TBC1D30: variants seen among roughly 807,000 people sequenced by gnomAD.
The protein encoded by TBC1D30 is TBC1 domain family, member 30.
Under a neutral mutation model 63.2 loss-of-function variants are expected in TBC1D30, and 31 were observed. The ratio of observed to expected loss-of-function variants is 0.49; its 90% confidence interval spans 0.37 to 0.66. TBC1D30 has a LOEUF of 0.66. Among genes scored for constraint, TBC1D30 ranks in the 30% least tolerant of loss-of-function variants. The pLI, the probability that TBC1D30 is intolerant of heterozygous loss-of-function variation, is 0.00. For missense variants in TBC1D30, 810 were observed against 953.6 expected (o/e 0.85, Z 1.98); for synonymous variants, 307 against 361.5 (o/e 0.85, Z 1.71).
Position 64,801,460 on chromosome 12 carries a change from T to C in TBC1D30, c.643+15415T>C, listed in dbSNP as rs77985403. Among the ~76,000 whole-genome samples, 303 of 152,298 alleles carry C rather than the reference T, an allele frequency of 2.0e-3. 5 individuals are homozygous for C. The East Asian group carries it at 0.04, about 20-fold the overall frequency. On this transcript the variant is annotated intron_variant, in intron 2 of 12. Coordinates refer to the TBC1D30 transcript ENST00000542120. ...CTTTGACAAACAGGAAAGGGACTGC[T>C]TGGGAAGGGGCACCAACAGGGTTCT...
chr12:64,801,532 G>T (rs1872583884), intron 2 of TBC1D30, among the ~76,000 whole-genome samples: 1 of 152,176 alleles, frequency 6.6e-6, no homozygotes, highest in African/African-American at 2.4e-5. Flanking sequence ...GAATTTTATG[G>T]AATTGTAACA....
At chr12:64,793,429 A>G (rs987548402) in intron 2 of TBC1D30, among the ~76,000 whole-genome samples, 4 of 151,334 alleles carry the variant, frequency 2.6e-5, no homozygotes, top group Non-Finnish European at 4.4e-5. Context: ...GAGGATCATG[A>G]AGTCAGGAGT....
intron 1 of TBC1D30, among the ~76,000 whole-genome samples, chr12:64,767,665 AC>A (rs1870760858): frequency 6.6e-6 from 1 of 151,950 alleles, no homozygotes; most frequent in Non-Finnish European, 1.5e-5. Context: ...ACAAATCCAG[AC>A]TGCCCAGGTA....
chr12:64,799,969 A>G (rs953964040), intron 2 of TBC1D30, among the ~76,000 whole-genome samples: 1 of 152,072 alleles, frequency 6.6e-6, no homozygotes, highest in Non-Finnish European at 1.5e-5. Context: ...AGCTGGGCGT[A>G]GTGGCAGGTG....
intron 10 of TBC1D30, chr12:64,867,809 C>T (rs141270345): frequency 7.2e-4 from 110 of 152,252 alleles, no homozygotes; most frequent in African/African-American, 2.5e-3. Flanking sequence ...TGATTCTTCC[C>T]CTTAGTCCAT....
intron 8 of TBC1D30, among the ~76,000 whole-genome samples, chr12:64,844,196 T>G (rs1167653953): frequency 6.6e-6 from 1 of 152,214 alleles, no homozygotes; most frequent in Non-Finnish European, 1.5e-5. Flanking sequence ...TTGCCCACAC[T>G]TTCAACTCAG....
chr12:64,824,870 G>A lies in TBC1D30; in HGVS notation c.-10G>A. On this transcript the variant is annotated 5_prime_UTR_variant, in exon 1 of 12. Coordinates refer to ENST00000539867, the MANE Select transcript of TBC1D30 (RefSeq NM_015279.2). ...GACGGTAGCCGTGCCAGAGCCCGGG[G>A]CGCTCTCGGATGCGGCAGGACAAGC... The A allele has an allele frequency of 6.5e-7, 1 of 1,532,648 alleles. No individual in the cohort carries two copies. The highest frequency in any genetic ancestry group is 8.7e-7 in the Non-Finnish European group (1 of 1,145,942). The allele number at this position is 1,532,648 out of a possible 1,614,324, so 94.9% of individuals were successfully genotyped here.
intron 2 of TBC1D30, among the ~76,000 whole-genome samples, chr12:64,797,180 T>C (rs530965270): frequency 6.6e-6 from 1 of 152,276 alleles, no homozygotes; most frequent in Admixed American, 6.5e-5. Flanking sequence ...GATCTAAACA[T>C]TGTGATTTTT....
chr12:64,823,803 T>C (rs1349515909), upstream of TBC1D30, among the ~76,000 whole-genome samples: 1 of 152,164 alleles, frequency 6.6e-6, no homozygotes, highest in Non-Finnish European at 1.5e-5. Context: ...TTTAAAAATT[T>C]AATTTGTTAA....
chr12:64,872,724 TA>T (rs1878754485), intron 11 of TBC1D30, among the ~76,000 whole-genome samples: 1 of 152,214 alleles, frequency 6.6e-6, no homozygotes, highest in Non-Finnish European at 1.5e-5. Flanking sequence ...AGGCAATTTA[TA>T]AGAGGCTTAA....
chr12:64,873,058 G>A (rs1878777565), intron 11 of TBC1D30, among the ~76,000 whole-genome samples: 1 of 152,170 alleles, frequency 6.6e-6, no homozygotes, highest in Non-Finnish European at 1.5e-5. Context: ...TTTTAGATGA[G>A]ATGGTATATG....
intron 8 of TBC1D30, among the ~76,000 whole-genome samples, chr12:64,861,308 T>C (rs1440059172): frequency 6.6e-6 from 1 of 152,216 alleles, no homozygotes; most frequent in Non-Finnish European, 1.5e-5. Context: ...AGATAGTAAA[T>C]AGACTTGTTA....
intron 1 of TBC1D30, among the ~76,000 whole-genome samples, chr12:64,771,459 C>A (rs551072955): frequency 3.9e-5 from 6 of 152,200 alleles, no homozygotes; most frequent in South Asian, 2.1e-4. Context: ...TCAGGACCAG[C>A]ATTAATCCTT....
intron 8 of TBC1D30, among the ~76,000 whole-genome samples, chr12:64,848,464 C>T (rs1257963753): frequency 6.6e-6 from 1 of 152,034 alleles, no homozygotes; most frequent in Non-Finnish European, 1.5e-5. Context: ...GTGATGTTCC[C>T]CTCCCTGTGT....
intron 10 of TBC1D30, among the ~76,000 whole-genome samples, chr12:64,868,977 A>ATT (rs1216949986): frequency 2.1e-5 from 3 of 143,906 alleles, no homozygotes; most frequent in African/African-American, 7.6e-5. Flanking sequence ...GTTTTATTTC[A>ATT]TTTTTTTTTT....
At chr12:64,844,515 G>A (rs1157142437) in intron 8 of TBC1D30, among the ~76,000 whole-genome samples, 1 of 152,136 alleles carries the variant, frequency 6.6e-6, no homozygotes, top group Non-Finnish European at 1.5e-5. Flanking sequence ...TATCCTTTGT[G>A]TTACAGACAA....
Position 64,824,861 on chromosome 12 carries a change from GA to G in TBC1D30, c.-18del. On this transcript the variant is annotated 5_prime_UTR_variant, in exon 1 of 12. Coordinates refer to ENST00000539867, the MANE Select transcript of TBC1D30 (RefSeq NM_015279.2). ...ACCGAGACGGACGGTAGCCGTGCCA[GA>G]GCCCGGGGCGCTCTCGGATGCGGCA... The G allele has an allele frequency of 3.9e-6, 6 of 1,531,390 alleles. No homozygotes were observed. The highest frequency in any genetic ancestry group is 5.2e-6 in the Non-Finnish European group (6 of 1,145,108). 94.9% of individuals were successfully genotyped at this position (1,531,390 alleles called of 1,614,324 possible). A position where few individuals can be genotyped will look rare whatever the true frequency, so the allele number is the denominator to read the frequency against.
At chr12:64,860,719 A>G (rs1242717590) in intron 8 of TBC1D30, among the ~76,000 whole-genome samples, 1 of 152,166 alleles carries the variant, frequency 6.6e-6, no homozygotes, top group Non-Finnish European at 1.5e-5. Context: ...GGCTTTAAAG[A>G]AACTTAAAGA....
intron 1 of TBC1D30, among the ~76,000 whole-genome samples, chr12:64,767,788 C>CCG (rs1394634654): frequency 3.3e-5 from 2 of 60,150 alleles, no homozygotes; most frequent in Admixed American, 4.6e-4. Context: ...CATGCTCCGG[C>CCG]GGGGGGGGGG....
Sources: gnomAD v4.1 joint callset for allele counts (sites outside exome capture counted in the v4.1 genomes callset) on GRCh38, gnomAD v4.1.1 for gene constraint, MANE v1.5 for transcripts, NCBI Gene and HGNC (gene_info 2026-07-23, HGNC 2026-07-21) for gene names.